CAMK4: variants seen among roughly 807,000 people sequenced by gnomAD.
CAMK4 encodes the protein calcium/calmodulin dependent protein kinase IV.
A neutral mutation model predicts 44.9 loss-of-function variants in CAMK4; 22 were observed. The ratio of observed to expected loss-of-function variants is 0.49; its 90% CI spans 0.35 to 0.70. The LOEUF is 0.70. Ranked by LOEUF, CAMK4 falls within the 30% of genes least tolerant of loss-of-function variation. The pLI is 0.01. For synonymous variants in CAMK4, 218 were observed against 215.4 expected (o/e 1.01, Z -0.11); for missense variants, 498 against 586.8 (o/e 0.85, Z 1.56).
At chr5:111,252,965 A>C (rs1307843186) in intron 1 of CAMK4, among the ~76,000 whole-genome samples, 6 of 152,248 alleles carry the variant, frequency 3.9e-5, no homozygotes, top group African/African-American at 7.2e-5. Context: ...TGGACAATGC[A>C]GAAAGAGATA....
intron 1 of CAMK4, among the ~76,000 whole-genome samples, chr5:111,328,597 T>C (rs971398924): frequency 3.3e-5 from 5 of 152,118 alleles, no homozygotes; most frequent in African/African-American, 1.2e-4. Flanking sequence ...TAAAATACCT[T>C]GGGCAGTATG....
intron 1 of CAMK4, among the ~76,000 whole-genome samples, chr5:111,315,314 T>A (rs1748372914): frequency 6.6e-6 from 1 of 152,104 alleles, no homozygotes; most frequent in South Asian, 2.1e-4. Context: ...TTCTGCACCA[T>A]TTGCCTGGTG....
At chr5:111,232,085 T>C (rs1264584158) in intron 1 of CAMK4, among the ~76,000 whole-genome samples, 1 of 152,188 alleles carries the variant, frequency 6.6e-6, no homozygotes, top group East Asian at 1.9e-4. Flanking sequence ...CCTAAAGTCC[T>C]CTTGTTTATA....
In CAMK4 at chr5:111,489,501, T is replaced by A. The variant is rs922071510; in HGVS notation, c.*5035T>A. ...TGGTTATTTAAAATTCCAACTTTCATAAATGCTCTGTGATGTACTCAAGAC... is the reference window on the plus strand; with the variant it reads ...TGGTTATTTAAAATTCCAACTTTCAAAAATGCTCTGTGATGTACTCAAGAC... On this transcript the variant is annotated 3_prime_UTR_variant, in exon 11 of 11. Coordinates refer to ENST00000282356, the MANE Select transcript of CAMK4 (RefSeq NM_001744.6). 6 of 152,224 alleles carry A rather than the reference T, an allele frequency of 3.9e-5. No individual in the cohort carries two copies. Among genetic ancestry groups the A allele is most frequent in the Admixed American group, 1.3e-4 (2 of 15,278 alleles). The allele number at this position is 152,224 out of a possible 1,614,324, so 9.4% of individuals were successfully genotyped here.
At chr5:111,325,024 G>A (rs1178743933) in intron 1 of CAMK4, among the ~76,000 whole-genome samples, 2 of 151,182 alleles carry the variant, frequency 1.3e-5, no homozygotes, top group Admixed American at 1.3e-4. Context: ...AACAGGCCAT[G>A]GTGAGTGATG....
chr5:111,346,885 G>A (rs906118093), intron 2 of CAMK4, among the ~76,000 whole-genome samples: 5 of 151,788 alleles, frequency 3.3e-5, no homozygotes, highest in Admixed American at 2.0e-4. Context: ...AAAGTGAGGC[G>A]TTTATTGCAG....
chr5:111,455,004 G>C (rs1754368019), intron 7 of CAMK4, among the ~76,000 whole-genome samples: 1 of 152,064 alleles, frequency 6.6e-6, no homozygotes, highest in East Asian at 1.9e-4. Flanking sequence ...TTTGGCATTT[G>C]CCAAGGTCTC....
intron 2 of CAMK4, among the ~76,000 whole-genome samples, chr5:111,374,579 G>A (rs917125612): frequency 1.3e-5 from 2 of 152,134 alleles, no homozygotes; most frequent in Non-Finnish European, 2.9e-5. Context: ...AGTTGTGACA[G>A]TGATGACTTT....
At chr5:111,316,762 C>T (rs1274958878) in intron 1 of CAMK4, among the ~76,000 whole-genome samples, 1 of 152,054 alleles carries the variant, frequency 6.6e-6, no homozygotes, top group African/African-American at 2.4e-5. Flanking sequence ...GATAAATCAC[C>T]AGGAGCAAGC....
At chr5:111,394,976 A>C (rs1751942429) in intron 5 of CAMK4, among the ~76,000 whole-genome samples, 194 bp downstream of exon 5, 1 of 152,168 alleles carries the variant, frequency 6.6e-6, no homozygotes, top group East Asian at 1.9e-4. Flanking sequence ...TGGGAGGCTG[A>C]GGCAGGCAGG....
intron 5 of CAMK4, among the ~76,000 whole-genome samples, chr5:111,435,310 T>C (rs1026699886): frequency 2.0e-5 from 3 of 152,152 alleles, no homozygotes; most frequent in South Asian, 2.1e-4. Flanking sequence ...TTGACATACC[T>C]TTTACTTGCA....
chr5:111,446,667 C>G lies in CAMK4; in HGVS notation c.460-19C>G. On this transcript the variant is annotated intron_variant, in intron 5 of 10. Transcript: ENST00000282356. ...AAATAGCATTACACAAATGTTATTT[C>G]ATTATTTTCCCTCTTTAGTATCTAC... The G allele has an allele frequency of 7.8e-7, 1 of 1,286,680 alleles. No homozygotes were observed. The allele number at this position is 1,286,680 out of a possible 1,614,324, so 79.7% of individuals were successfully genotyped here.
chr5:111,474,614 G>A lies in CAMK4; in HGVS notation c.701+1228G>A, dbSNP rs575833150. Among the ~76,000 whole-genome samples, 16 of 152,110 alleles carry A rather than the reference G, an allele frequency of 1.1e-4. No individual in the cohort carries two copies. The South Asian group carries it at 1.3e-3, about 12-fold the overall frequency. ...TGGAGGGGGGAATACAATTCAGTCC[G>A]TAGCAGAATGCTTTTAATTAAAGTT... On this transcript the variant is annotated intron_variant, in intron 8 of 10. Coordinates refer to ENST00000282356, the MANE Select transcript of CAMK4 (RefSeq NM_001744.6).
At chr5:111,411,614 A>G (rs1277756771) in intron 5 of CAMK4, among the ~76,000 whole-genome samples, 1 of 152,234 alleles carries the variant, frequency 6.6e-6, no homozygotes, top group Non-Finnish European at 1.5e-5. Flanking sequence ...GAACTTCAGC[A>G]TAGAAACAAG....
At chr5:111,418,569 T>TCACCTAATGCTATCCCTCC (rs1752899177) in intron 5 of CAMK4, among the ~76,000 whole-genome samples, 1 of 152,012 alleles carries the variant, frequency 6.6e-6, no homozygotes, top group African/African-American at 2.4e-5. Flanking sequence ...GTTAGGTATA[T>TCACCTAATGCTATCCCTCC]CACCTAATGC....
At chr5:111,480,590 C>T (rs1755402663) in intron 9 of CAMK4, among the ~76,000 whole-genome samples, 1 of 151,994 alleles carries the variant, frequency 6.6e-6, no homozygotes, top group African/African-American at 2.4e-5. Flanking sequence ...GGAAGTACAC[C>T]GTGAAGTTTC....
chr5:111,314,964 A>G (rs1748358536), intron 1 of CAMK4, among the ~76,000 whole-genome samples: 1 of 152,080 alleles, frequency 6.6e-6, no homozygotes, highest in Admixed American at 6.6e-5. Flanking sequence ...TATCAAAGAT[A>G]AGATACTGCA....
chr5:111,410,001 A>G (rs774231347), intron 5 of CAMK4, among the ~76,000 whole-genome samples: 2 of 152,170 alleles, frequency 1.3e-5, no homozygotes, highest in African/African-American at 2.4e-5. Flanking sequence ...AGGAAGTTCC[A>G]AACTTTCCCA....
intron 1 of CAMK4, among the ~76,000 whole-genome samples, chr5:111,315,377 G>A (rs1748375768): frequency 6.6e-6 from 1 of 152,020 alleles, no homozygotes; most frequent in Admixed American, 6.6e-5. Flanking sequence ...TAACATTGTA[G>A]GTGGTGCACA....
Sources: allele counts gnomAD v4.1 joint callset (sites outside exome capture counted in the v4.1 genomes callset), GRCh38; gene constraint gnomAD v4.1.1; transcripts MANE v1.5; gene names NCBI Gene and HGNC (gene_info 2026-07-23, HGNC 2026-07-21).